The following PIP5K1C variants were observed in gnomAD, a reference collection of about 807,000 sequenced individuals.
PIP5K1C encodes the protein phosphatidylinositol 4-phosphate 5-kinase type-1 gamma.
PIP5K1C carries 45 observed loss-of-function variants against 80.1 expected under a neutral mutation model. The observed-to-expected ratio is 0.56, with a 90% CI of 0.44 to 0.72. PIP5K1C has a LOEUF of 0.72. Ranked by LOEUF, PIP5K1C falls within the 30% of genes least tolerant of loss-of-function variation. The pLI is 0.00. For synonymous variants in PIP5K1C, 498 were observed against 420.1 expected (o/e 1.19, Z -2.27); for missense variants, 753 against 954.6 (o/e 0.79, Z 2.78).
At chr19:3,694,725 A>G (rs1238461156) in intron 1 of PIP5K1C, among the ~76,000 whole-genome samples, 1 of 152,140 alleles carries the variant, frequency 6.6e-6, no homozygotes, top group Non-Finnish European at 1.5e-5. Flanking sequence ...CCTCGGCGCG[A>G]CTATTCCGCT....
intron 10 of PIP5K1C, 78 bp downstream of exon 10, chr19:3,647,260 G>T: frequency 2.4e-6 from 3 of 1,254,760 alleles, no homozygotes; most frequent in Non-Finnish European, 3.4e-6. Context: ...AGAGGGAGGA[G>T]GGATGGGAGG....
At position 3,688,433 on chromosome 19, in the gene PIP5K1C, G is replaced by A. The variant is rs1037478499; in HGVS notation, c.94+11864C>T. ...TGGGCGGGGAGGGATCTAGAAGACC[G>A]GAAGGCTATTTCCAGGGCAGCACCC... On this transcript the variant is annotated intron_variant, in intron 1 of 17. Transcript: ENST00000335312. This position sits in a 1 kb window ranked among gnomAD's most constrained non-coding sequence, Gnocchi z 5.3. Among the ~76,000 whole-genome samples the A allele has an allele frequency of 3.3e-5, 5 of 152,218 alleles. No individual in the cohort carries two copies. The highest frequency in any genetic ancestry group is 9.6e-5 in the African/African-American group (4 of 41,546).
At position 3,680,916 on chromosome 19, in the gene PIP5K1C, T is replaced by C. The variant is rs562359588; in HGVS notation, c.95-13563A>G. 9.2e-5 allele frequency among the ~76,000 whole-genome samples: 14 copies of C among 152,180 alleles called. No homozygotes were observed. In the East Asian group the frequency reaches 2.7e-3, roughly 30 times the overall value. On this transcript the variant is annotated intron_variant, in intron 1 of 17. Coordinates refer to ENST00000335312, the MANE Select transcript of PIP5K1C (RefSeq NM_012398.3). ...CATTTGTGATTGTCATGACTAAGGG[T>C]GCTCCTGGCATAAAGTAGGCGGAGG... is the stretch of plus-strand genomic sequence containing the variant.
intron 11 of PIP5K1C, among the ~76,000 whole-genome samples, chr19:3,644,723 C>A (rs77812947): frequency 6.6e-6 from 1 of 152,196 alleles, no homozygotes; most frequent in Non-Finnish European, 1.5e-5. Flanking sequence ...GCTGGCTGTG[C>A]GGCTCGGTCT....
chr19:3,688,183 C>T lies in PIP5K1C; in HGVS notation c.94+12114G>A, dbSNP rs956575051. Among the ~76,000 whole-genome samples, 2 of 152,202 alleles carry T rather than the reference C, an allele frequency of 1.3e-5. No individual in the cohort carries two copies. Among genetic ancestry groups the T allele is most frequent in the African/African-American group, 2.4e-5 (1 of 41,452 alleles). Reference sequence around the variant, plus strand: ...GTGGTCCCCACCTCCTTGCGCGCTCCGTCTCCAGCACAGCAGAGGTGGACG... The same window carrying T: ...GTGGTCCCCACCTCCTTGCGCGCTCTGTCTCCAGCACAGCAGAGGTGGACG... On this transcript the variant is annotated intron_variant, in intron 1 of 17. Transcript: ENST00000335312. This position sits in a 1 kb window ranked among gnomAD's most constrained non-coding sequence, Gnocchi z 5.3.
chr19:3,656,970 C>T (rs1021634802), intron 5 of PIP5K1C, among the ~76,000 whole-genome samples: 2 of 152,240 alleles, frequency 1.3e-5, no homozygotes, highest in Non-Finnish European at 2.9e-5. Flanking sequence ...CACAGATGGG[C>T]GACAGGCAGC....
chr19:3,697,787 A>G (rs948342506), intron 1 of PIP5K1C, among the ~76,000 whole-genome samples: 2 of 152,154 alleles, frequency 1.3e-5, no homozygotes, highest in African/African-American at 4.8e-5. Flanking sequence ...CGCCCAGGCC[A>G]CAGCTCAGAC....
chr19:3,639,303 C>A (rs575158065), intron 15 of PIP5K1C, among the ~76,000 whole-genome samples: 1 of 152,218 alleles, frequency 6.6e-6, no homozygotes, highest in African/African-American at 2.4e-5. Context: ...CCTGTGGGCA[C>A]GTGCTGGCCT....
Position 3,641,710 on chromosome 19 carries a change from GTCC to G in PIP5K1C, c.1779_1781del (p.Glu593del), listed in dbSNP as rs1480746796. 3.1e-6 allele frequency: 5 copies of G among 1,607,188 alleles called. No homozygotes were observed. Among genetic ancestry groups the G allele is most frequent in the Non-Finnish European group, 4.2e-6 (5 of 1,179,624 alleles). The stretch of plus-strand genomic sequence containing the variant: ...CCCGCCGAGGCCGTGCTCACCCTGC[GTCC>G]TCCTCTTTGGGGACCACAATCTCCA... On this transcript the variant is annotated inframe_deletion, in exon 15 of 18. Transcript: ENST00000335312.
At chr19:3,651,653 T>C (rs1451360438) in intron 8 of PIP5K1C, among the ~76,000 whole-genome samples, 173 bp downstream of exon 8, 1 of 152,270 alleles carries the variant, frequency 6.6e-6, no homozygotes, top group Non-Finnish European at 1.5e-5. Context: ...CGGCCCGCAC[T>C]ACGGCCTGGC....
At chr19:3,636,860 C>T (rs2033709388) in intron 16 of PIP5K1C, 1 of 993,564 alleles carries the variant, frequency 1.0e-6, no homozygotes, top group African/African-American at 1.7e-5. Context: ...GCTCTCTGGG[C>T]CCCTTGCTTA....
At chr19:3,689,393 G>A (rs2035875671) in intron 1 of PIP5K1C, among the ~76,000 whole-genome samples, 1 of 152,138 alleles carries the variant, frequency 6.6e-6, no homozygotes. Flanking sequence ...GCTCATGCCT[G>A]TAACCCCAGC....
At chr19:3,678,102 A>AGAATGGAG (rs2035442170) in intron 1 of PIP5K1C, among the ~76,000 whole-genome samples, 1 of 104,578 alleles carries the variant, frequency 9.6e-6, no homozygotes, top group African/African-American at 3.8e-5. Flanking sequence ...GGAGGGAGGG[A>AGAATGGAG]GAATGGAGGG....
At position 3,631,523 on chromosome 19, in the gene PIP5K1C, G is replaced by A. The variant is rs2033468380; in HGVS notation, c.*1644C>T. ...CTGGACAGACCCTCTGAGCACGCAG[G>A]GAGGACCCCACGTGGGCTTGTCCTG... On this transcript the variant is annotated 3_prime_UTR_variant, in exon 18 of 18. Transcript: ENST00000335312. 6.6e-6 allele frequency: 1 copy of A among 152,312 alleles called. No homozygotes were observed. The highest frequency in any genetic ancestry group is 2.1e-4 in the South Asian group (1 of 4,830). The allele number at this position is 152,312 out of a possible 1,614,324, so 9.4% of individuals were successfully genotyped here.
At position 3,700,328 on chromosome 19, in the gene PIP5K1C, C is replaced by T. The variant is rs1228769365; in HGVS notation, c.63G>A (p.Ala21=). 7.7e-7 allele frequency: 1 copy of T among 1,295,928 alleles called. No homozygotes were observed. Among genetic ancestry groups the T allele is most frequent in the Non-Finnish European group, 9.9e-7 (1 of 1,005,438 alleles). The allele number at this position is 1,295,928 out of a possible 1,614,324, so 80.3% of individuals were successfully genotyped here. Residue 21 remains alanine (A), a synonymous_variant, in exon 1 of 18, where the codon GCG becomes GCA. Transcript: ENST00000335312. ...SAEAGAVPSE[A]AWAAESGAAA... ...CCGCCCCGCTCTCTGCCGCCCACGCCGCCTCCGAGGGCACGGCCCCCGCCT... is the reference window on the plus strand; with the variant it reads ...CCGCCCCGCTCTCTGCCGCCCACGCTGCCTCCGAGGGCACGGCCCCCGCCT...
intron 16 of PIP5K1C, chr19:3,636,959 G>C (rs547195321): frequency 4.7e-5 from 48 of 1,016,310 alleles, no homozygotes; most frequent in Middle Eastern, 5.0e-4. Context: ...TGAGAGCTTG[G>C]GGATCTGGAT....
intron 8 of PIP5K1C, chr19:3,649,980 A>T: frequency 5.0e-6 from 1 of 201,028 alleles, no homozygotes; most frequent in Non-Finnish European, 1.0e-5. Context: ...CTCACGCCAC[A>T]GGCTGGTACG....
chr19:3,664,472 A>G (rs1468496614), intron 3 of PIP5K1C, among the ~76,000 whole-genome samples: 1 of 152,220 alleles, frequency 6.6e-6, no homozygotes, highest in Non-Finnish European at 1.5e-5. Flanking sequence ...GGCCAGCCTC[A>G]GAGTGTCCCA....
chr19:3,642,505 A>G (rs1374631532), intron 14 of PIP5K1C, among the ~76,000 whole-genome samples: 1 of 152,166 alleles, frequency 6.6e-6, no homozygotes, highest in Non-Finnish European at 1.5e-5. Context: ...AATAAAAGGG[A>G]ACCACAAGCC....
Sources: gnomAD v4.1 joint callset for allele counts (sites outside exome capture counted in the v4.1 genomes callset) on GRCh38, gnomAD v4.1.1 for gene constraint, Gnocchi (gnomAD v3.1) non-coding constraint, MANE v1.5 for transcripts, NCBI Gene and HGNC (gene_info 2026-07-23, HGNC 2026-07-21) for gene names.